PCDH15: variants seen among roughly 807,000 people sequenced by gnomAD.
The protein encoded by PCDH15 is protocadherin related 15.
In PCDH15, 129 loss-of-function variants were observed where a neutral mutation model predicts 178.5. The observed-to-expected ratio is 0.72, with a 90% CI of 0.63 to 0.84. PCDH15 has a LOEUF of 0.84. PCDH15 is among the 40% of genes least tolerant of loss of function. The pLI, the probability that PCDH15 is intolerant of heterozygous loss-of-function variation, is 0.00. For synonymous variants in PCDH15, 800 were observed against 732.0 expected, an observed-to-expected ratio of 1.09 and a Z score of -1.50; for missense variants, 2,230 against 2,099.9, an observed-to-expected ratio of 1.06 and a Z score of -1.21.
At chr10:54,212,525 C>T (rs1237927944) in intron 10 of PCDH15, among the ~76,000 whole-genome samples, 1 of 152,126 alleles carries the variant, frequency 6.6e-6, no homozygotes, top group African/African-American at 2.4e-5. Flanking sequence ...CATACTCTTT[C>T]AATCCAGCAA....
chr10:55,338,107 T>A (rs1844447349), intron 2 of PCDH15, among the ~76,000 whole-genome samples: 1 of 152,120 alleles, frequency 6.6e-6, no homozygotes, highest in Non-Finnish European at 1.5e-5. Context: ...CAATGAGATA[T>A]CATCTCACCC....
intron 7 of PCDH15, among the ~76,000 whole-genome samples, chr10:54,319,936 C>T (rs2061493276): frequency 6.6e-6 from 1 of 152,054 alleles, no homozygotes; most frequent in South Asian, 2.1e-4. Context: ...TTTGTCAGTA[C>T]AACCTTGTCT....
chr10:53,943,306 T>A (rs1564826073), intron 23 of PCDH15, among the ~76,000 whole-genome samples: 1 of 151,800 alleles, frequency 6.6e-6, no homozygotes, highest in Non-Finnish European at 1.5e-5. Flanking sequence ...CTCACCAATA[T>A]CTCTACTAAA....
At chr10:54,664,389 T>C (rs1197059325) in intron 1 of PCDH15, 99 bp from the exon 2 acceptor site, 2 of 755,866 alleles carry the variant, frequency 2.6e-6, no homozygotes, top group East Asian at 2.7e-5. Context: ...AATGACTTCA[T>C]AGTTAATTAC....
chr10:55,031,277 T>C (rs1393986644), intron 2 of PCDH15, among the ~76,000 whole-genome samples: 2 of 152,208 alleles, frequency 1.3e-5, no homozygotes, highest in Non-Finnish European at 1.5e-5. Flanking sequence ...AAAAATGCAC[T>C]GGTATACAGT....
rs368086347 is a variant in PCDH15 at position 54,517,734 on chromosome 10, T to G, written c.157+10078A>C. On this transcript the variant is annotated intron_variant, in intron 3 of 37. Coordinates refer to ENST00000644397, the MANE Select transcript of PCDH15 (RefSeq NM_001384140.1). ...ACCTAATAGACATCTACAGAACTCT[T>G]CACCCCAAATCAACAGAATATACAT... Among the ~76,000 whole-genome samples the G allele has an allele frequency of 4.9e-4, 75 of 152,082 alleles. 1 individual carries two copies. In the South Asian group the frequency reaches 0.015, roughly 31 times the overall value.
At chr10:53,854,857 C>A (rs1344486250) in intron 28 of PCDH15, among the ~76,000 whole-genome samples, 1 of 151,864 alleles carries the variant, frequency 6.6e-6, no homozygotes, top group African/African-American at 2.4e-5. Context: ...AATTATTTGC[C>A]CAATTTCATG....
intron 2 of PCDH15, among the ~76,000 whole-genome samples, chr10:55,086,208 T>G (rs1240072685): frequency 6.6e-6 from 1 of 152,000 alleles, no homozygotes. Context: ...ATTATTTCAC[T>G]GCAGTACTTC....
At chr10:55,324,735 A>G (rs1298998523) in intron 2 of PCDH15, among the ~76,000 whole-genome samples, 7 of 152,130 alleles carry the variant, frequency 4.6e-5, no homozygotes, top group Non-Finnish European at 2.9e-5. Flanking sequence ...CTGACCAAAT[A>G]GACCAAATAG....
Position 55,303,907 on chromosome 10 carries a change from T to C in PCDH15, c.-156+15692A>G, listed in dbSNP as rs545147957. Among the ~76,000 whole-genome samples, 5 of 152,312 alleles carry C rather than the reference T, an allele frequency of 3.3e-5. No homozygotes were observed. In the East Asian group the frequency reaches 9.6e-4, roughly 29 times the overall value. Reference sequence around the variant, plus strand: ...CAATTTTATTTATTCTGATCATATATTATTTCCTTCATTCTGTTGCATAGC... The same window carrying C: ...CAATTTTATTTATTCTGATCATATACTATTTCCTTCATTCTGTTGCATAGC... On this transcript the variant is annotated intron_variant, in intron 1 of 5. Transcript: ENST00000458638.
In PCDH15 at chr10:54,587,602, T is replaced by C. The variant is rs551936385; in HGVS notation, c.92-59725A>G. ...TAACAATATTGAAAGCATCAAAGCA[T>C]AAAGTGATGAAAGCTGATCCAAATT... On this transcript the variant is annotated intron_variant, in intron 2 of 37. Transcript: ENST00000644397. Among the ~76,000 whole-genome samples the C allele has an allele frequency of 4.5e-4, 69 of 151,884 alleles. 2 individuals carry two copies. Among genetic ancestry groups the C allele is most frequent in the South Asian group, 4.2e-4 (2 of 4,814 alleles).
intron 2 of PCDH15, among the ~76,000 whole-genome samples, chr10:55,487,826 T>G (rs527599890): frequency 6.6e-6 from 1 of 151,748 alleles, no homozygotes; most frequent in East Asian, 1.9e-4. Flanking sequence ...TGACTATACC[T>G]ATCACATTGT....
Position 54,276,728 on chromosome 10 carries a change from A to G in PCDH15, c.877-39797T>C, listed in dbSNP as rs540666010. Among the ~76,000 whole-genome samples, 44 of 151,918 alleles carry G rather than the reference A, an allele frequency of 2.9e-4. No homozygotes were observed. In the South Asian group the frequency reaches 4.6e-3, roughly 16 times the overall value. On this transcript the variant is annotated intron_variant, in intron 8 of 37. Transcript: ENST00000644397. ...AAACAAAGAACTTGAAAAACAGATT[A>G]TAAATAAATTTATACAGTGGAAGTC...
At chr10:55,204,406 T>G (rs1057279857) in intron 1 of PCDH15, among the ~76,000 whole-genome samples, 1 of 151,728 alleles carries the variant, frequency 6.6e-6, no homozygotes, top group Non-Finnish European at 1.5e-5. Context: ...ACATTAAATA[T>G]AAAACTCTTC....
At chr10:54,462,338 C>T (rs2077217865) in intron 3 of PCDH15, among the ~76,000 whole-genome samples, 1 of 151,680 alleles carries the variant, frequency 6.6e-6, no homozygotes, top group Non-Finnish European at 1.5e-5. Flanking sequence ...TCTTACTTGA[C>T]CTAAAACTGC....
At chr10:54,762,242 T>C (rs1378820602) in intron 1 of PCDH15, among the ~76,000 whole-genome samples, 1 of 152,148 alleles carries the variant, frequency 6.6e-6, no homozygotes, top group African/African-American at 2.4e-5. Flanking sequence ...GTGAAATTCA[T>C]GTTATAAAAG....
intron 30 of PCDH15, among the ~76,000 whole-genome samples, chr10:53,829,467 C>T (rs2076893711): frequency 1.3e-5 from 2 of 152,050 alleles, no homozygotes; most frequent in South Asian, 4.1e-4. Flanking sequence ...TAATAAAGCT[C>T]CTTTGGAAAA....
chr10:54,926,554 G>C (rs1047552321), intron 2 of PCDH15, among the ~76,000 whole-genome samples: 1 of 151,958 alleles, frequency 6.6e-6, no homozygotes, highest in Non-Finnish European at 1.5e-5. Context: ...ACATTTGGTA[G>C]AAATCAGCTT....
intron 7 of PCDH15, among the ~76,000 whole-genome samples, 162 bp downstream of exon 7, chr10:54,329,434 C>A (rs367729484): frequency 3.0e-4 from 45 of 151,876 alleles, no homozygotes; most frequent in African/African-American, 1.0e-3. Context: ...TATTCTATCC[C>A]TTTCTCCATC....
Sources: allele counts gnomAD v4.1 joint callset (sites outside exome capture counted in the v4.1 genomes callset), GRCh38; gene constraint gnomAD v4.1.1; transcripts MANE v1.5; gene names NCBI Gene and HGNC (gene_info 2026-07-23, HGNC 2026-07-21).